Variants in RARS2 observed in about 807,000 individuals in gnomAD.
RARS2 encodes probable arginine--tRNA ligase, mitochondrial.
In RARS2, 67 loss-of-function variants were observed where a neutral mutation model predicts 88.5. The ratio of observed to expected loss-of-function variants is 0.76; its 90% CI spans 0.62 to 0.93. The LOEUF is 0.93. Ranked by LOEUF, RARS2 falls within the 40% of genes least tolerant of loss-of-function variation. RARS2 has a pLI of 0.00. For missense variants in RARS2, 664 were observed against 684.2 expected, an observed-to-expected ratio of 0.97 and a Z score of 0.33; for synonymous variants, 239 against 230.3, an observed-to-expected ratio of 1.04 and a Z score of -0.34.
intron 17 of RARS2, among the ~76,000 whole-genome samples, chr6:87,517,742 T>C (rs866726488): frequency 3.3e-5 from 5 of 152,262 alleles, no homozygotes; most frequent in South Asian, 4.2e-4. Flanking sequence ...ATCACATACA[T>C]ATATGTATTT....
Position 87,564,124 on chromosome 6 carries a change from A to G in RARS2, c.213+6T>C. The G allele has an allele frequency of 6.3e-7, 1 of 1,586,676 alleles. No homozygotes were observed. Among genetic ancestry groups the G allele is most frequent in the Non-Finnish European group, 8.7e-7 (1 of 1,155,002 alleles). ...ATGTCAAAAAGAGATAATAGTGCTA[A>G]CGTACCTTCTCTGCTAGTCTCTTGG... On this transcript the variant is annotated splice_donor_region_variant and intron_variant, in intron 3 of 19. Transcript: ENST00000369536.
At chr6:87,550,342 CACATTGCTGCCTTACTAGT>C (rs1165068968) in intron 5 of RARS2, among the ~76,000 whole-genome samples, 1 of 152,106 alleles carries the variant, frequency 6.6e-6, no homozygotes, top group Non-Finnish European at 1.5e-5. Flanking sequence ...AGCGCTGCAC[CACATTGCTGCCTTACTAGT>C]ACATTTGTTG....
chr6:87,567,247 G>A (rs918099211), intron 2 of RARS2, among the ~76,000 whole-genome samples: 7 of 68,914 alleles, frequency 1.0e-4, no homozygotes, highest in African/African-American at 4.3e-4. Flanking sequence ...GCAAGATTCC[G>A]CCTCAAAAAA....
At chr6:87,539,017 G>C (rs1780063407) in intron 8 of RARS2, among the ~76,000 whole-genome samples, 1 of 151,578 alleles carries the variant, frequency 6.6e-6, no homozygotes, top group East Asian at 1.9e-4. Flanking sequence ...CTGGGCAACA[G>C]AGTAAGATCC....
Position 87,530,893 on chromosome 6 carries a change from T to C in RARS2, c.662A>G (p.Lys221Arg). Residue 221 changes from lysine to arginine, a missense_variant, in exon 9 of 20, where the codon AAA becomes AGA. Coordinates refer to ENST00000369536, the MANE Select transcript of RARS2 (RefSeq NM_020320.5). ...KEAADDKSVA[K>R]AAQEFFQRLE... is the part of the protein sequence containing the mutation. ...TCGTTGGAAGAACTCCTGTGCTGCT[T>C]TTGCTACACTTTTATCATCTGCTGC... 1 of 1,614,196 alleles carries C rather than the reference T, an allele frequency of 6.2e-7. No individual in the cohort carries two copies. The highest frequency in any genetic ancestry group is 8.5e-7 in the Non-Finnish European group (1 of 1,180,028).
intron 10 of RARS2, among the ~76,000 whole-genome samples, chr6:87,525,828 G>C (rs866952931): frequency 1.4e-4 from 21 of 152,058 alleles, no homozygotes; most frequent in African/African-American, 2.9e-4. Context: ...TTACAGGCGT[G>C]AGCCACCGCG....
At chr6:87,516,951 A>G (rs145961015) in intron 17 of RARS2, 71 bp from the exon 18 acceptor site, 1 of 1,596,716 alleles carries the variant, frequency 6.3e-7, no homozygotes, top group African/African-American at 1.3e-5. Context: ...ACATTAAAAG[A>G]TTGTGAATAT....
At chr6:87,541,140 A>G (rs1490218944) in intron 8 of RARS2, among the ~76,000 whole-genome samples, 1 of 152,232 alleles carries the variant, frequency 6.6e-6, no homozygotes, top group African/African-American at 2.4e-5. Flanking sequence ...AAAAAATCTT[A>G]GATTAGGAAA....
intron 14 of RARS2, 139 bp downstream of exon 14, chr6:87,519,444 A>ACC (rs1269392632): frequency 2.9e-5 from 26 of 909,124 alleles, no homozygotes; most frequent in Non-Finnish European, 1.7e-6. Flanking sequence ...TGGCACCTCT[A>ACC]ATTAGTGAAA....
intron 5 of RARS2, among the ~76,000 whole-genome samples, chr6:87,551,406 A>C (rs1784286763): frequency 1.3e-5 from 2 of 151,958 alleles, no homozygotes; most frequent in Non-Finnish European, 2.9e-5. Context: ...TGGGTGGATC[A>C]CTTGAAGTCA....
rs542735710 is a variant in RARS2, at chr6:87,569,704, A to G, written c.37-114T>C. On this transcript the variant is annotated intron_variant, in intron 1 of 19. Coordinates refer to ENST00000369536, the MANE Select transcript of RARS2 (RefSeq NM_020320.5). ...TACACTTAACACGAATGAGCTCCAA[A>G]TGCATTCCAAGTGAAGGAAGCCAGA... is the stretch of plus-strand genomic sequence containing the variant. 4 of 819,866 alleles carry G rather than the reference A, an allele frequency of 4.9e-6. No individual in the cohort carries two copies. In the African/African-American group the frequency reaches 6.7e-5, roughly 14 times the overall value. 50.8% of individuals were successfully genotyped at this position (819,866 alleles called of 1,614,324 possible). A position where few individuals can be genotyped will look rare whatever the true frequency, so the allele number is the denominator to read the frequency against.
chr6:87,582,929 C>T (rs1198408562), intron 1 of RARS2, among the ~76,000 whole-genome samples: 6 of 152,076 alleles, frequency 3.9e-5, no homozygotes, highest in Admixed American at 3.9e-4. Context: ...TAAAATGTAC[C>T]AGTTACAAGA....
chr6:87,539,390 C>T (rs1780197134), intron 8 of RARS2, among the ~76,000 whole-genome samples: 1 of 152,136 alleles, frequency 6.6e-6, no homozygotes, highest in Non-Finnish European at 1.5e-5. Context: ...ATCTGCTAGC[C>T]GTAATAAAGA....
chr6:87,562,858 T>C, intron 3 of RARS2, 73 bp from the exon 4 acceptor site: 1 of 1,223,818 alleles, frequency 8.2e-7, no homozygotes. Flanking sequence ...TCTAATGCTA[T>C]TTTTGGCTTA....
Position 87,565,568 on chromosome 6 carries a change from T to C in RARS2, c.111-1336A>G, listed in dbSNP as rs976853407. Among the ~76,000 whole-genome samples the C allele has an allele frequency of 4.6e-5, 7 of 152,324 alleles. No homozygotes were observed. In the East Asian group the frequency reaches 1.2e-3, roughly 25 times the overall value. ...AAAAATCAAAAGCTCTCCCTTTCCC[T>C]ACAAAATAAGACTTGAAGTAAATTT... On this transcript the variant is annotated intron_variant, in intron 2 of 19. Transcript: ENST00000369536.
In RARS2 at chr6:87,545,566, C is replaced by T. The variant is rs1215302104; in HGVS notation, c.535+50G>A. 4 of 1,604,562 alleles carry T rather than the reference C, an allele frequency of 2.5e-6. No individual in the cohort carries two copies. The Admixed American group carries it at 5.0e-5, about 20-fold the overall frequency. On this transcript the variant is annotated intron_variant, in intron 7 of 19. Transcript: ENST00000369536. The stretch of plus-strand genomic sequence containing the variant: ...TATTCTGTCCAGATCAAAGTTTTTA[C>T]AAATTGAATTTTACAATGAAATGAA...
chr6:87,514,552 C>G, intron 19 of RARS2, 53 bp from the exon 20 acceptor site: 1 of 1,406,092 alleles, frequency 7.1e-7, no homozygotes. Flanking sequence ...GGAATGTATT[C>G]AATACATGAG....
intron 4 of RARS2, among the ~76,000 whole-genome samples, chr6:87,561,059 T>C (rs1057238716): frequency 4.6e-5 from 7 of 152,210 alleles, no homozygotes; most frequent in Non-Finnish European, 1.0e-4. Context: ...TAATCATTAT[T>C]TTAGAGTATT....
intron 9 of RARS2, 144 bp downstream of exon 9, chr6:87,530,640 C>T (rs1268382760): frequency 2.4e-6 from 2 of 832,262 alleles, no homozygotes; most frequent in Non-Finnish European, 3.6e-6. Flanking sequence ...TCTTTCAGCC[C>T]AAAAAAAAAA....
Sources: allele counts gnomAD v4.1 joint callset (sites outside exome capture counted in the v4.1 genomes callset), GRCh38; gene constraint gnomAD v4.1.1; transcripts MANE v1.5; gene names NCBI Gene and HGNC (gene_info 2026-07-23, HGNC 2026-07-21).